The following PSMF1 variants were observed in gnomAD, a reference collection of about 807,000 sequenced individuals.
PSMF1 encodes proteasome inhibitor subunit 1, also known as proteasome inhibitor PI31 subunit.
PSMF1 carries 30 observed loss-of-function variants against 29.3 expected under a neutral mutation model. The ratio of observed to expected loss-of-function variants is 1.02; its 90% CI spans 0.77 to 1.39. The LOEUF (loss-of-function observed/expected upper bound fraction) is 1.39, where lower values mean the gene tolerates loss of function less well. Ranked by LOEUF, PSMF1 falls within the 40% of genes most tolerant of loss-of-function variation. PSMF1 has a pLI of 0.00. For synonymous variants in PSMF1, 134 were observed against 139.7 expected, an observed-to-expected ratio of 0.96 and a Z score of 0.29; for missense variants, 344 against 357.5, an observed-to-expected ratio of 0.96 and a Z score of 0.31.
intron 3 of PSMF1, among the ~76,000 whole-genome samples, chr20:1,132,544 G>A (rs1380710100): frequency 6.6e-6 from 1 of 151,928 alleles, no homozygotes; most frequent in Non-Finnish European, 1.5e-5. Context: ...CAAAGTGCTG[G>A]GATTACAGAC....
rs577479301 is a variant in PSMF1 at position 1,132,146 on chromosome 20, A to G, written c.366-2975A>G. Among the ~76,000 whole-genome samples the G allele has an allele frequency of 9.2e-5, 14 of 152,004 alleles. No homozygotes were observed. The South Asian group carries it at 2.5e-3, about 27-fold the overall frequency. On this transcript the variant is annotated intron_variant, in intron 3 of 6. Coordinates refer to ENST00000335877, the MANE Select transcript of PSMF1 (RefSeq NM_006814.5). ...TCTCTTCCTCTGTCAATATTACTCT[A>G]TCAGTATTGATTATTGTAGGCCTTA... is the stretch of plus-strand genomic sequence containing the variant.
intron 4 of PSMF1, among the ~76,000 whole-genome samples, chr20:1,154,056 A>G (rs1169787188): frequency 6.6e-6 from 1 of 152,248 alleles, no homozygotes; most frequent in Non-Finnish European, 1.5e-5. Context: ...AGTATGTATT[A>G]CTTGGCCATT....
chr20:1,135,377 C>A, intron 4 of PSMF1, 71 bp downstream of exon 4: 2 of 1,429,034 alleles, frequency 1.4e-6, no homozygotes, highest in African/African-American at 1.4e-5. Context: ...CCCCATCCTG[C>A]CACTTGACCC....
chr20:1,166,428 G>A lies in PSMF1; in HGVS notation c.*1348G>A. On this transcript the variant is annotated 3_prime_UTR_variant, in exon 7 of 7. Transcript: ENST00000335877. ...ATTAGGACCTATTATTTACCTGTAGGTAAGCAAGCTACTGTAGCTCTTCTG... is the reference window on the plus strand; with the variant it reads ...ATTAGGACCTATTATTTACCTGTAGATAAGCAAGCTACTGTAGCTCTTCTG... The A allele has an allele frequency of 1.4e-6, 1 of 721,536 alleles. No individual in the cohort carries two copies. Among genetic ancestry groups the A allele is most frequent in the East Asian group, 2.7e-5 (1 of 36,732 alleles). The allele number at this position is 721,536 out of a possible 1,614,324, so 44.7% of individuals were successfully genotyped here.
intron 4 of PSMF1, among the ~76,000 whole-genome samples, chr20:1,158,194 G>A (rs1430284826): frequency 1.3e-5 from 2 of 150,696 alleles, no homozygotes; most frequent in Non-Finnish European, 3.0e-5. Flanking sequence ...GCTAGTGGAT[G>A]TCAATCTTTT....
At chr20:1,144,226 T>A (rs2086420370) in intron 4 of PSMF1, among the ~76,000 whole-genome samples, 1 of 152,218 alleles carries the variant, frequency 6.6e-6, no homozygotes, top group Non-Finnish European at 1.5e-5. Flanking sequence ...GAAACCACAA[T>A]GGGAGTTTCA....
intron 4 of PSMF1, among the ~76,000 whole-genome samples, chr20:1,147,122 A>G (rs2086460066): frequency 6.6e-6 from 1 of 150,716 alleles, no homozygotes; most frequent in African/African-American, 2.4e-5. Flanking sequence ...TCCATTATGG[A>G]CATTGTTTCC....
intron 4 of PSMF1, among the ~76,000 whole-genome samples, chr20:1,156,499 C>G (rs1419938314): frequency 6.6e-6 from 1 of 152,004 alleles, no homozygotes; most frequent in African/African-American, 2.4e-5. Context: ...AAAGAAGTCT[C>G]GAAAGCAGTT....
At chr20:1,125,832 G>A in intron 2 of PSMF1, 182 bp downstream of exon 2, 2 of 795,152 alleles carry the variant, frequency 2.5e-6, no homozygotes, top group Non-Finnish European at 4.3e-6. Context: ...GTGCACAAAG[G>A]TATCCACCAC....
Position 1,157,424 on chromosome 20 carries a change from C to T in PSMF1, c.552-5706C>T, listed in dbSNP as rs965578387. On this transcript the variant is annotated intron_variant, in intron 4 of 6. Transcript: ENST00000335877. Reference sequence around the variant, plus strand: ...TAAAGCCAAAATAAGGTCATAATTACGCCTAACATAATACAACTATCCTTC... The same window carrying T: ...TAAAGCCAAAATAAGGTCATAATTATGCCTAACATAATACAACTATCCTTC... Among the ~76,000 whole-genome samples the T allele has an allele frequency of 5.3e-5, 8 of 152,192 alleles. No homozygotes were observed. The South Asian group carries it at 6.2e-4, about 12-fold the overall frequency.
chr20:1,141,740 A>T (rs542424592), intron 4 of PSMF1, among the ~76,000 whole-genome samples: 5 of 152,246 alleles, frequency 3.3e-5, no homozygotes, highest in South Asian at 2.1e-4. Context: ...CAGTTTATAT[A>T]TGCAGATGAC....
intron 1 of PSMF1, among the ~76,000 whole-genome samples, chr20:1,120,395 A>G (rs1197300435): frequency 1.3e-5 from 2 of 152,094 alleles, no homozygotes; most frequent in African/African-American, 4.8e-5. Flanking sequence ...TCCCAAACAC[A>G]TCTGTCCCTG....
intron 4 of PSMF1, among the ~76,000 whole-genome samples, chr20:1,160,184 A>C (rs1390604893): frequency 1.3e-5 from 2 of 152,012 alleles, no homozygotes; most frequent in Non-Finnish European, 2.9e-5. Flanking sequence ...GTAATTATAC[A>C]TACCACCACC....
intron 3 of PSMF1, among the ~76,000 whole-genome samples, chr20:1,131,113 C>G (rs990036580): frequency 6.6e-6 from 1 of 152,242 alleles, no homozygotes. Flanking sequence ...CCCTGACACC[C>G]TGGCCCCTCT....
At chr20:1,131,602 T>G (rs1175446163) in intron 3 of PSMF1, among the ~76,000 whole-genome samples, 3 of 152,218 alleles carry the variant, frequency 2.0e-5, no homozygotes, top group African/African-American at 7.2e-5. Flanking sequence ...CTCCTATGCC[T>G]TTCAGCCATA....
chr20:1,131,618 C>T (rs2122493497), intron 3 of PSMF1, among the ~76,000 whole-genome samples: 1 of 152,336 alleles, frequency 6.6e-6, no homozygotes, highest in East Asian at 1.9e-4. Flanking sequence ...CCATAGCTTC[C>T]TCCATGTAGC....
In PSMF1 at chr20:1,118,765, C is replaced by T; in HGVS notation, c.-9C>T. On this transcript the variant is annotated 5_prime_UTR_variant, in exon 1 of 7. Coordinates refer to ENST00000335877, the MANE Select transcript of PSMF1 (RefSeq NM_006814.5). Reference sequence around the variant, plus strand: ...TTCTTTCCTCCAGACGCCGAAGTCGCGGGCGCTCATGGCGGGCCTGGAGGT... The same window carrying T: ...TTCTTTCCTCCAGACGCCGAAGTCGTGGGCGCTCATGGCGGGCCTGGAGGT... The T allele has an allele frequency of 6.2e-7, 1 of 1,609,492 alleles. No individual in the cohort carries two copies. The highest frequency in any genetic ancestry group is 1.1e-5 in the South Asian group (1 of 90,862).
chr20:1,133,569 A>ATATATT, intron 3 of PSMF1, among the ~76,000 whole-genome samples: 2 of 53,290 alleles, frequency 3.8e-5, no homozygotes, highest in Admixed American at 2.0e-4. Context: ...ATATATATAT[A>ATATATT]TTTTTTTTTT....
At chr20:1,126,400 G>C (rs190808636) in intron 2 of PSMF1, among the ~76,000 whole-genome samples, 48 of 152,140 alleles carry the variant, frequency 3.2e-4, no homozygotes, top group South Asian at 8.3e-4. Context: ...GCAAGACCTT[G>C]ACATGGAAAT....
Sources: allele counts gnomAD v4.1 joint callset (sites outside exome capture counted in the v4.1 genomes callset), GRCh38; gene constraint gnomAD v4.1.1; transcripts MANE v1.5; gene names NCBI Gene and HGNC (gene_info 2026-07-23, HGNC 2026-07-21).